NKAIN3: variants seen among roughly 807,000 people sequenced by gnomAD.
NKAIN3 encodes the protein sodium/potassium transporting ATPase interacting 3.
Under a neutral mutation model 30.2 loss-of-function variants are expected in NKAIN3, and 25 were observed. The observed-to-expected ratio is 0.83, with a 90% CI of 0.60 to 1.16. The LOEUF (loss-of-function observed/expected upper bound fraction) is 1.16, where lower values mean the gene tolerates loss of function less well. NKAIN3 is among the 50% of genes most tolerant of loss of function. NKAIN3 has a pLI of 0.00. For synonymous variants in NKAIN3, 91 were observed against 89.6 expected (o/e 1.02, Z -0.09); for missense variants, 225 against 254.1 (o/e 0.89, Z 0.78).
chr8:62,573,467 C>T lies in NKAIN3; in HGVS notation c.55-6072C>T, dbSNP rs372743712. On this transcript the variant is annotated intron_variant, in intron 1 of 6. Coordinates refer to ENST00000623646, the MANE Select transcript of NKAIN3 (RefSeq NM_001304533.3). ...TTTTGGTATTTTTGAACCATGCTTTCGTTATGTATATGATTTGGTTTCTTT... is the reference window on the plus strand; with the variant it reads ...TTTTGGTATTTTTGAACCATGCTTTTGTTATGTATATGATTTGGTTTCTTT... Among the ~76,000 whole-genome samples, 36 of 152,158 alleles carry T rather than the reference C, an allele frequency of 2.4e-4. No homozygotes were observed. The East Asian group carries it at 5.2e-3, about 22-fold the overall frequency.
chr8:62,579,501 T>A (rs1810225559), intron 1 of NKAIN3, 38 bp from the exon 2 acceptor site: 1 of 1,534,122 alleles, frequency 6.5e-7, no homozygotes, highest in Non-Finnish European at 8.8e-7. Flanking sequence ...TGATGATGCT[T>A]GGATTCAATG....
intron 4 of NKAIN3, among the ~76,000 whole-genome samples, chr8:62,822,458 GCTT>G (rs1818877511): frequency 1.3e-5 from 2 of 152,186 alleles, no homozygotes; most frequent in East Asian, 3.9e-4. Context: ...ATTTTGCATG[GCTT>G]CTTAAGTATT....
chr8:62,490,959 A>T (rs1449167025), intron 1 of NKAIN3, among the ~76,000 whole-genome samples: 5 of 152,170 alleles, frequency 3.3e-5, no homozygotes, highest in Non-Finnish European at 7.3e-5. Context: ...GTAGTACCTA[A>T]TGTTCCCTTG....
At chr8:62,955,691 C>G (rs936719718) in intron 6 of NKAIN3, among the ~76,000 whole-genome samples, 1 of 152,180 alleles carries the variant, frequency 6.6e-6, no homozygotes, top group Non-Finnish European at 1.5e-5. Context: ...GCCCATGTAC[C>G]TATGTACCTC....
intron 3 of NKAIN3, among the ~76,000 whole-genome samples, chr8:62,628,370 G>A (rs1246260216): frequency 1.3e-5 from 2 of 152,116 alleles, no homozygotes; most frequent in Non-Finnish European, 2.9e-5. Flanking sequence ...TTTATCTGTG[G>A]TTTGCATAGC....
At chr8:62,668,493 T>C (rs1813200289) in intron 3 of NKAIN3, among the ~76,000 whole-genome samples, 1 of 152,228 alleles carries the variant, frequency 6.6e-6, no homozygotes, top group African/African-American at 2.4e-5. Context: ...GCTGACGCCT[T>C]CTCACTTTCT....
chr8:62,258,309 A>G (rs1213848299), intron 1 of NKAIN3, among the ~76,000 whole-genome samples: 1 of 152,182 alleles, frequency 6.6e-6, no homozygotes, highest in Non-Finnish European at 1.5e-5. Context: ...CTATTTCCTT[A>G]GGCATTTGTT....
intron 5 of NKAIN3, among the ~76,000 whole-genome samples, chr8:62,924,099 G>A (rs543292636): frequency 6.6e-6 from 1 of 152,160 alleles, no homozygotes; most frequent in East Asian, 1.9e-4. Context: ...CATCTACAGC[G>A]ATATATCCTA....
At chr8:62,690,233 C>T (rs529070778) in intron 3 of NKAIN3, among the ~76,000 whole-genome samples, 1 of 152,238 alleles carries the variant, frequency 6.6e-6, no homozygotes, top group African/African-American at 2.4e-5. Flanking sequence ...ATGCCATGCA[C>T]CATCATGAGG....
intron 4 of NKAIN3, among the ~76,000 whole-genome samples, chr8:62,815,886 G>T (rs1818661440): frequency 6.6e-6 from 1 of 152,068 alleles, no homozygotes; most frequent in South Asian, 2.1e-4. Context: ...ATTTCTGTTT[G>T]ATTCTGTTTT....
chr8:62,295,109 C>T (rs991055452), intron 1 of NKAIN3, among the ~76,000 whole-genome samples: 2 of 152,110 alleles, frequency 1.3e-5, no homozygotes, highest in Admixed American at 1.3e-4. Flanking sequence ...TGAAAGGAGG[C>T]ACAACCTTAA....
At chr8:62,954,410 G>C (rs1467752609) in intron 6 of NKAIN3, among the ~76,000 whole-genome samples, 1 of 152,082 alleles carries the variant, frequency 6.6e-6, no homozygotes, top group Non-Finnish European at 1.5e-5. Flanking sequence ...GTTTCACAGG[G>C]GGGAAATAGA....
At chr8:62,764,983 G>A (rs1029977707) in intron 4 of NKAIN3, among the ~76,000 whole-genome samples, 10 of 152,196 alleles carry the variant, frequency 6.6e-5, no homozygotes, top group South Asian at 2.1e-4. Context: ...GGTGGCTCAC[G>A]CCTGTAGTCC....
rs73256934 is a variant in NKAIN3, at chr8:62,786,126, C to A, written c.471+38997C>A. On this transcript the variant is annotated intron_variant, in intron 4 of 6. Coordinates refer to ENST00000623646, the MANE Select transcript of NKAIN3 (RefSeq NM_001304533.3). ...TCAATTCAAGTGCTCCCAACCTCAG[C>A]AAAGGAGTTTTAGTCCCTACAAATG... 2.4e-3 allele frequency among the ~76,000 whole-genome samples: 368 copies of A among 152,140 alleles called. 1 individual carries two copies. The highest frequency in any genetic ancestry group is 8.5e-3 in the African/African-American group (351 of 41,526).
At chr8:62,429,411 C>T (rs1489667753) in intron 1 of NKAIN3, among the ~76,000 whole-genome samples, 1 of 151,808 alleles carries the variant, frequency 6.6e-6, no homozygotes, top group African/African-American at 2.4e-5. Flanking sequence ...TATTACAGTT[C>T]TTATTTCTGT....
chr8:62,700,361 C>T (rs2130466032), intron 3 of NKAIN3, among the ~76,000 whole-genome samples: 1 of 152,314 alleles, frequency 6.6e-6, no homozygotes, highest in African/African-American at 2.4e-5. Flanking sequence ...TGTGCTTAAA[C>T]ACTGGTGCTT....
chr8:62,282,174 A>G (rs930426381), intron 1 of NKAIN3, among the ~76,000 whole-genome samples: 2 of 152,046 alleles, frequency 1.3e-5, no homozygotes, highest in African/African-American at 4.8e-5. Context: ...TACCCATATT[A>G]CAATAGAAAA....
intron 1 of NKAIN3, among the ~76,000 whole-genome samples, chr8:62,537,465 C>G (rs1257803992): frequency 6.6e-6 from 1 of 152,178 alleles, no homozygotes; most frequent in Non-Finnish European, 1.5e-5. Context: ...GCATTTTACA[C>G]TGCTGCAAGG....
Position 62,969,005 on chromosome 8 carries a change from C to A in NKAIN3, c.*3598C>A, listed in dbSNP as rs993835744. 6.6e-6 allele frequency among the ~76,000 whole-genome samples: 1 copy of A among 152,172 alleles called. No homozygotes were observed. The highest frequency in any genetic ancestry group is 1.5e-5 in the Non-Finnish European group (1 of 68,040). On this transcript the variant is annotated 3_prime_UTR_variant, in exon 7 of 7. Transcript: ENST00000623646. ...GAAAATCTCTAAATGTGTATATCCC[C>A]AAGTATCTTAGCCTTCCACCTACCA...
Sources: gnomAD v4.1 joint callset for allele counts (sites outside exome capture counted in the v4.1 genomes callset) on GRCh38, gnomAD v4.1.1 for gene constraint, MANE v1.5 for transcripts, NCBI Gene and HGNC (gene_info 2026-07-23, HGNC 2026-07-21) for gene names.